ZNF100: variants seen among roughly 807,000 people sequenced by gnomAD.
ZNF100 encodes zinc finger protein 100.
ZNF100 carries 12 observed loss-of-function variants against 15.8 expected under a neutral mutation model. The observed-to-expected ratio is 0.76, with a 90% CI of 0.49 to 1.23. The LOEUF is 1.23. Among genes scored for constraint, ZNF100 ranks in the 50% most tolerant of loss-of-function variants. The probability of loss-of-function intolerance (pLI) is 0.00; values close to 1 mark genes in which losing one functional copy is unlikely to be tolerated. For synonymous variants in ZNF100, 226 were observed against 214.8 expected (o/e 1.05, Z -0.45); for missense variants, 670 against 635.6 (o/e 1.05, Z -0.58).
At chr19:21,729,440 G>T (rs2035874325) in intron 4 of ZNF100, among the ~76,000 whole-genome samples, 1 of 133,094 alleles carries the variant, frequency 7.5e-6, no homozygotes, top group African/African-American at 2.7e-5. Context: ...GAGGGGGGAG[G>T]GATAGCATTA....
At chr19:21,731,742 A>C (rs1469006590) in intron 4 of ZNF100, among the ~76,000 whole-genome samples, 3 of 152,190 alleles carry the variant, frequency 2.0e-5, no homozygotes, top group Non-Finnish European at 4.4e-5. Context: ...TATGCAAAAT[A>C]AAATGAGCTA....
At chr19:21,765,655 G>T in intron 2 of ZNF100, 39 bp downstream of exon 2, 1 of 1,582,560 alleles carries the variant, frequency 6.3e-7, no homozygotes, top group Non-Finnish European at 8.7e-7. Context: ...AATGAAAGCT[G>T]GGTTGGGTGA....
chr19:21,750,896 C>A (rs2036294862), intron 2 of ZNF100: 1 of 584,912 alleles, frequency 1.7e-6, no homozygotes, highest in East Asian at 2.8e-5. Flanking sequence ...CAGCCTCAAG[C>A]TGGGCCGGTG....
intron 4 of ZNF100, among the ~76,000 whole-genome samples, chr19:21,736,972 C>A (rs572224894): frequency 1.2e-4 from 18 of 151,856 alleles, no homozygotes; most frequent in African/African-American, 3.6e-4. Context: ...CCTAACATCA[C>A]AACTAAAAGG....
intron 4 of ZNF100, among the ~76,000 whole-genome samples, chr19:21,732,769 T>C (rs1202999506): frequency 6.6e-6 from 1 of 151,926 alleles, no homozygotes; most frequent in Non-Finnish European, 1.5e-5. Flanking sequence ...AGAGGTAACT[T>C]GAAGACAAAA....
intron 1 of ZNF100, among the ~76,000 whole-genome samples, chr19:21,766,778 G>A (rs1449276214): frequency 6.6e-6 from 1 of 152,048 alleles, no homozygotes; most frequent in East Asian, 1.9e-4. Context: ...CGGATCACGA[G>A]GTCAGGAGTT....
chr19:21,743,976 ACCTC>A, intron 4 of ZNF100, 37 bp downstream of exon 4: 1 of 1,554,268 alleles, frequency 6.4e-7, no homozygotes, highest in Non-Finnish European at 8.7e-7. Context: ...TGACCTTTGG[ACCTC>A]ACATCTGTGT....
chr19:21,758,327 T>C (rs776693161), intron 2 of ZNF100, among the ~76,000 whole-genome samples: 1 of 152,158 alleles, frequency 6.6e-6, no homozygotes, highest in Non-Finnish European at 1.5e-5. Context: ...TCTTTGGTGC[T>C]ATGCTTAGTA....
Position 21,725,445 on chromosome 19 carries a change from TTAA to T in ZNF100, c.*1235_*1237del, listed in dbSNP as rs1202149415. On this transcript the variant is annotated 3_prime_UTR_variant, in exon 5 of 5. Transcript: ENST00000358296. ...TCTGAATGCCTAACGCACACATTGC[TTAA>T]TATTATAAGTTAACCATAAAAGTCT... The T allele has an allele frequency of 1.3e-5, 2 of 152,152 alleles. No individual in the cohort carries two copies. The highest frequency in any genetic ancestry group is 2.9e-5 in the Non-Finnish European group (2 of 68,006). The allele number at this position is 152,152 out of a possible 1,614,324, so 9.4% of individuals were successfully genotyped here. A position where few individuals can be genotyped will look rare whatever the true frequency, so the allele number is the denominator to read the frequency against.
In ZNF100 at chr19:21,727,162, G is replaced by C; in HGVS notation, c.1150C>G (p.Arg384Gly). 2 of 1,611,094 alleles carry C rather than the reference G, an allele frequency of 1.2e-6. No individual in the cohort carries two copies. The highest frequency in any genetic ancestry group is 1.7e-6 in the Non-Finnish European group (2 of 1,178,160). ...TTATGTTTAGTAAGGTATGAGAATC[G>C]GTAAAAAGCTTTGCCACATTCTTCA... ...KCEECGKAFY[R>G]FSYLTKHKTS... Residue 384 changes from arginine to glycine, a missense_variant, in exon 5 of 5, where the codon CGA becomes GGA. Physicochemically the swap from Arg to Gly is moderately radical, Grantham distance 125. Transcript: ENST00000358296.
chr19:21,733,533 G>A (rs2145695058), intron 4 of ZNF100, among the ~76,000 whole-genome samples: 1 of 152,316 alleles, frequency 6.6e-6, no homozygotes, highest in Admixed American at 6.5e-5. Flanking sequence ...AATTAAGGTA[G>A]TAACACAGGA....
At chr19:21,733,227 T>C (rs2035948954) in intron 4 of ZNF100, among the ~76,000 whole-genome samples, 1 of 151,418 alleles carries the variant, frequency 6.6e-6, no homozygotes, top group Non-Finnish European at 1.5e-5. Flanking sequence ...TACAGTTCTT[T>C]AGATATAAAA....
chr19:21,726,803 A>G lies in ZNF100; in HGVS notation c.1509T>C (p.His503=), dbSNP rs1201083350. 6.2e-7 allele frequency: 1 copy of G among 1,613,704 alleles called. No homozygotes were observed. Among genetic ancestry groups the G allele is most frequent in the Non-Finnish European group, 8.5e-7 (1 of 1,179,806 alleles). ...ATTTCTCTCCAGTATGAGTTATCTT[A>G]TGTTTAGTAAGGGTTGAGGATCGGT... The part of the protein sequence containing the change: ...AFNRSSTLTK[H]KITHTGEKSY... Residue 503 remains histidine, a synonymous_variant, in exon 5 of 5, where the codon CAT becomes CAC. Transcript: ENST00000358296.
rs559120936 is a variant in ZNF100, at chr19:21,741,262, T to C, written c.322+2755A>G. ...GTCAAGGGCTGGGGAGAGGGTAAAA[T>C]GGGTTGTTGTTACTTAATGGGTATT... On this transcript the variant is annotated intron_variant, in intron 4 of 4. Transcript: ENST00000358296. 5.9e-5 allele frequency among the ~76,000 whole-genome samples: 9 copies of C among 152,192 alleles called. No homozygotes were observed. In the East Asian group the frequency reaches 1.5e-3, roughly 26 times the overall value.
At chr19:21,765,962 A>G (rs2036553462) in intron 1 of ZNF100, among the ~76,000 whole-genome samples, 176 bp from the exon 2 acceptor site, 2 of 152,144 alleles carry the variant, frequency 1.3e-5, no homozygotes, top group African/African-American at 4.8e-5. Flanking sequence ...CCTTGACCCA[A>G]AAACATTCTG....
rs148192843 is a variant in ZNF100, at chr19:21,743,376, T to C, written c.322+641A>G. ...TAATCTATAGCTCCAATAAACTTCC[T>C]ATTAAAATTCCAGTGGCATTTTTTT... On this transcript the variant is annotated intron_variant, in intron 4 of 4. Transcript: ENST00000358296. Among the ~76,000 whole-genome samples the C allele has an allele frequency of 5.6e-4, 85 of 152,380 alleles. 1 individual carries two copies. The East Asian group carries it at 0.015, about 27-fold the overall frequency.
At position 21,732,564 on chromosome 19, in the gene ZNF100, A is replaced by G. The variant is rs139559619; in HGVS notation, c.323-4575T>C. ...ACACAATGGCAATATAAAATAAAAC[A>G]CCAAAACACAAGCAACTGGTGTTAG... is the stretch of plus-strand genomic sequence containing the variant. On this transcript the variant is annotated intron_variant, in intron 4 of 4. Transcript: ENST00000358296. Among the ~76,000 whole-genome samples the G allele has an allele frequency of 4.4e-3, 668 of 151,850 alleles. 1 individual carries two copies. Among genetic ancestry groups the G allele is most frequent in the African/African-American group, 0.016 (646 of 41,490 alleles).
chr19:21,743,379 T>G (rs1256064106), intron 4 of ZNF100, among the ~76,000 whole-genome samples: 1 of 152,214 alleles, frequency 6.6e-6, no homozygotes, highest in Admixed American at 6.5e-5. Flanking sequence ...AACTTCCTAT[T>G]AAAATTCCAG....
At chr19:21,740,383 G>C (rs2145708850) in intron 4 of ZNF100, among the ~76,000 whole-genome samples, 1 of 152,144 alleles carries the variant, frequency 6.6e-6, no homozygotes, top group East Asian at 1.9e-4. Flanking sequence ...GTCATGACAT[G>C]GGTCTTGGCA....
Sources: allele counts gnomAD v4.1 joint callset (sites outside exome capture counted in the v4.1 genomes callset), GRCh38; gene constraint gnomAD v4.1.1; transcripts MANE v1.5; gene names NCBI Gene and HGNC (gene_info 2026-07-23, HGNC 2026-07-21).